The following KIRREL3 variants were observed in gnomAD, a reference collection of about 807,000 sequenced individuals.
The protein encoded by KIRREL3 is kirre like nephrin family adhesion molecule 3, also known as kin of IRRE-like protein 3.
A neutral mutation model predicts 89.7 loss-of-function variants in KIRREL3; 36 were observed. The observed-to-expected ratio is 0.40, with a 90% CI of 0.31 to 0.53. KIRREL3 has a LOEUF of 0.53. KIRREL3 is among the 20% of genes least tolerant of loss of function. The pLI, the probability that KIRREL3 is intolerant of heterozygous loss-of-function variation, is 0.49. For synonymous variants in KIRREL3, 445 were observed against 441.4 expected, an observed-to-expected ratio of 1.01 and a Z score of -0.10; for missense variants, 864 against 1,056.6, an observed-to-expected ratio of 0.82 and a Z score of 2.53.
intron 1 of KIRREL3, among the ~76,000 whole-genome samples, chr11:126,852,466 T>C (rs1944376743): frequency 6.6e-6 from 1 of 152,168 alleles, no homozygotes; most frequent in African/African-American, 2.4e-5. Context: ...CCAGTTTGCA[T>C]GGTAGGAAAG....
chr11:126,874,243 G>A (rs530328029), intron 1 of KIRREL3, among the ~76,000 whole-genome samples: 2 of 152,196 alleles, frequency 1.3e-5, no homozygotes, highest in Non-Finnish European at 2.9e-5. Flanking sequence ...CCTTGGTCAT[G>A]GTTTACAGTA....
chr11:126,554,315 G>A (rs867022913), intron 2 of KIRREL3, among the ~76,000 whole-genome samples: 3 of 152,262 alleles, frequency 2.0e-5, no homozygotes, highest in East Asian at 1.9e-4. Flanking sequence ...TCTCTAGTCC[G>A]AAGTCCTAGC....
At chr11:126,446,294 CTTT>C (rs1188256656) in intron 9 of KIRREL3, among the ~76,000 whole-genome samples, 33 of 146,584 alleles carry the variant, frequency 2.3e-4, no homozygotes, top group African/African-American at 8.1e-4. Context: ...TCCTTTCTTT[CTTT>C]CTTTCTCTCT....
chr11:126,596,404 A>T (rs775623545), intron 1 of KIRREL3, among the ~76,000 whole-genome samples: 5 of 152,232 alleles, frequency 3.3e-5, no homozygotes, highest in Non-Finnish European at 7.3e-5. Flanking sequence ...CCAGAGAGGT[A>T]AAGTAACATG....
At chr11:126,966,213 TTGAC>T (rs1227290514) in intron 1 of KIRREL3, among the ~76,000 whole-genome samples, 1 of 152,194 alleles carries the variant, frequency 6.6e-6, no homozygotes, top group African/African-American at 2.4e-5. Context: ...AAACGGTAAT[TTGAC>T]TGACAATAAG....
rs538295579 is a variant in KIRREL3, at chr11:126,555,655, C to T, written c.133+7180G>A. Among the ~76,000 whole-genome samples the T allele has an allele frequency of 1.5e-3, 222 of 152,006 alleles. 1 individual carries two copies. The highest frequency in any genetic ancestry group is 4.9e-3 in the African/African-American group (203 of 41,448). On this transcript the variant is annotated intron_variant, in intron 2 of 16. Coordinates refer to ENST00000525144, the MANE Select transcript of KIRREL3 (RefSeq NM_032531.4). This position sits in a 1 kb window ranked among gnomAD's most constrained non-coding sequence, Gnocchi z 4.2. The stretch of plus-strand genomic sequence containing the variant: ...AGCAGGAAGGCCCATGTGACTGGAG[C>T]GCAGGGTGTTTAAGGGGGTAGGATG...
At position 126,685,147 on chromosome 11, in the gene KIRREL3, G is replaced by A. The variant is rs1231200802; in HGVS notation, c.56-122235C>T. ...ATGGCCAAGTGTGCAAGGGGACCTC[G>A]AAGAAGCCCAGTGTGACAAGGATTG... On this transcript the variant is annotated intron_variant, in intron 1 of 16. Coordinates refer to ENST00000525144, the MANE Select transcript of KIRREL3 (RefSeq NM_032531.4). This position sits in a 1 kb window ranked among gnomAD's most constrained non-coding sequence, Gnocchi z 5.5. 6.6e-6 allele frequency among the ~76,000 whole-genome samples: 1 copy of A among 152,180 alleles called. No homozygotes were observed. Among genetic ancestry groups the A allele is most frequent in the African/African-American group, 2.4e-5 (1 of 41,432 alleles).
At chr11:126,716,259 A>G (rs4581457) in intron 1 of KIRREL3, among the ~76,000 whole-genome samples, 138,073 of 152,158 alleles carry the variant, frequency 0.91, 62,746 homozygotes, top group East Asian at 1. Context: ...TGAAACTCTT[A>G]AACTAAGAAG....
chr11:126,930,067 ATTTG>A (rs1225919610), intron 1 of KIRREL3, among the ~76,000 whole-genome samples: 21 of 151,584 alleles, frequency 1.4e-4, no homozygotes, highest in Non-Finnish European at 2.6e-4. Flanking sequence ...CAGCATAATT[ATTTG>A]TTGTACATTT....
Position 126,569,189 on chromosome 11 carries a change from G to A in KIRREL3, c.56-6277C>T, listed in dbSNP as rs149488527. Among the ~76,000 whole-genome samples, 2 of 152,320 alleles carry A rather than the reference G, an allele frequency of 1.3e-5. No homozygotes were observed. Among genetic ancestry groups the A allele is most frequent in the African/African-American group, 2.4e-5 (1 of 41,574 alleles). Reference sequence around the variant, plus strand: ...CATGTCTGTATCAGAGTAGGGTGATGACAAAGGAAGCCTATTAAGTCACAG... The same window carrying A: ...CATGTCTGTATCAGAGTAGGGTGATAACAAAGGAAGCCTATTAAGTCACAG... On this transcript the variant is annotated intron_variant, in intron 1 of 16. Transcript: ENST00000525144. This position sits in a 1 kb window ranked among gnomAD's most constrained non-coding sequence, Gnocchi z 6.5.
intron 2 of KIRREL3, among the ~76,000 whole-genome samples, chr11:126,543,376 G>C (rs1938525866): frequency 6.6e-6 from 1 of 152,144 alleles, no homozygotes; most frequent in South Asian, 2.1e-4. Context: ...AGCAGGTGTA[G>C]CCCTGGCTCA....
intron 1 of KIRREL3, among the ~76,000 whole-genome samples, chr11:126,595,755 G>A (rs115145551): frequency 9.0e-4 from 137 of 152,302 alleles, no homozygotes; most frequent in African/African-American, 3.2e-3. Context: ...TAGGAGCGAT[G>A]GGGGACAGCA....
intron 1 of KIRREL3, among the ~76,000 whole-genome samples, chr11:126,695,666 C>T (rs1003361722): frequency 2.0e-5 from 3 of 152,108 alleles, no homozygotes; most frequent in African/African-American, 7.2e-5. Context: ...GGCCATCTGC[C>T]TGTGTCTGGC....
intron 3 of KIRREL3, among the ~76,000 whole-genome samples, chr11:126,524,106 A>G (rs1367661664): frequency 6.6e-5 from 10 of 152,176 alleles, no homozygotes; most frequent in Non-Finnish European, 1.5e-5. Context: ...CTGGGTTCCA[A>G]TGCCAGCTGG....
chr11:126,558,868 G>C lies in KIRREL3; in HGVS notation c.133+3967C>G, dbSNP rs1434000525. On this transcript the variant is annotated intron_variant, in intron 2 of 16. Coordinates refer to ENST00000525144, the MANE Select transcript of KIRREL3 (RefSeq NM_032531.4). The surrounding 1 kb of genome is among the most constrained non-coding windows in gnomAD (Gnocchi z 4.0). ...TGTGCATGTGTATACATGTGTGCAGGTGTGTGCATGCATGTGTGCATGTAT... is the reference window on the plus strand; with the variant it reads ...TGTGCATGTGTATACATGTGTGCAGCTGTGTGCATGCATGTGTGCATGTAT... Among the ~76,000 whole-genome samples, 1 of 152,150 alleles carries C rather than the reference G, an allele frequency of 6.6e-6. No homozygotes were observed. Among genetic ancestry groups the C allele is most frequent in the Non-Finnish European group, 1.5e-5 (1 of 68,030 alleles).
chr11:126,700,015 G>C (rs1947250077), intron 1 of KIRREL3, among the ~76,000 whole-genome samples: 2 of 152,214 alleles, frequency 1.3e-5, no homozygotes, highest in African/African-American at 2.4e-5. Context: ...GCAACAAAGT[G>C]AGACCCCATC....
intron 1 of KIRREL3, among the ~76,000 whole-genome samples, chr11:126,871,653 G>C (rs188449895): frequency 3.5e-4 from 54 of 152,278 alleles, no homozygotes; most frequent in South Asian, 8.3e-4. Flanking sequence ...ATTTGCAGTA[G>C]CCTCTCCCTT....
chr11:126,456,436 A>C lies in KIRREL3; in HGVS notation c.761T>G (p.Leu254Arg). 1 of 1,583,436 alleles carries C rather than the reference A, an allele frequency of 6.3e-7. No homozygotes were observed. Among genetic ancestry groups the C allele is most frequent in the Non-Finnish European group, 8.6e-7 (1 of 1,165,046 alleles). The change falls in exon 7 of 17, where the codon CTC becomes CGC. Residue 254 changes from leucine to arginine, a missense_variant. By Grantham distance (102) the Leu-to-Arg change is moderately radical. Transcript: ENST00000525144. ...IDIQHPPLVN[L>R]SVEPQPVLED... ...CAGCACTGGCTGTGGCTCCACCGAG[A>C]GGTTGACCAGTGGAGGGTCTGCAGG... is the stretch of plus-strand genomic sequence containing the variant.
rs1380855108 is a variant in KIRREL3, at chr11:126,736,703, C to T, written c.56-173791G>A. Among the ~76,000 whole-genome samples the T allele has an allele frequency of 3.3e-5, 5 of 152,156 alleles. No homozygotes were observed. The highest frequency in any genetic ancestry group is 9.7e-5 in the African/African-American group (4 of 41,432). On this transcript the variant is annotated intron_variant, in intron 1 of 16. Coordinates refer to ENST00000525144, the MANE Select transcript of KIRREL3 (RefSeq NM_032531.4). The surrounding 1 kb of genome is among the most constrained non-coding windows in gnomAD (Gnocchi z 5.0). ...GGATTATCCTACCCAAAACGTCATT[C>T]GTGCTGAGGTTGAGAAACCCTGGTC... is the stretch of plus-strand genomic sequence containing the variant.
Sources: allele counts gnomAD v4.1 joint callset (sites outside exome capture counted in the v4.1 genomes callset), GRCh38; gene constraint gnomAD v4.1.1; non-coding constraint Gnocchi (gnomAD v3.1); transcripts MANE v1.5; gene names NCBI Gene and HGNC (gene_info 2026-07-23, HGNC 2026-07-21).